Variants in GRAMD4 observed in about 807,000 individuals in gnomAD.
GRAMD4 encodes GRAM domain containing 4, also known as GRAM domain-containing protein 4.
Under a neutral mutation model 83.9 loss-of-function variants are expected in GRAMD4, and 25 were observed. The observed-to-expected ratio is 0.30, with a 90% confidence interval of 0.22 to 0.42. GRAMD4 has a LOEUF of 0.42. Ranked by LOEUF, GRAMD4 falls within the 10% of genes least tolerant of loss-of-function variation. GRAMD4 has a pLI of 1.00. For missense variants in GRAMD4, 593 were observed against 788.7 expected (o/e 0.75, Z 2.97); for synonymous variants, 336 against 320.9 (o/e 1.05, Z -0.50).
At chr22:46,680,556 G>A (rs149246372), downstream of GRAMD4, among the ~76,000 whole-genome samples, 83 of 64,786 alleles carry the variant, frequency 1.3e-3, 1 homozygote, top group Middle Eastern at 7.4e-3. Context: ...CCGTCCGTCC[G>A]TCCGTCCGTC....
chr22:46,639,711 G>A (rs569427816), intron 3 of GRAMD4, among the ~76,000 whole-genome samples: 2 of 152,258 alleles, frequency 1.3e-5, no homozygotes, highest in East Asian at 1.9e-4. Flanking sequence ...AGTATTAACC[G>A]TGTGTGTACA....
chr22:46,677,448 G>A lies in GRAMD4; in HGVS notation c.*197G>A, dbSNP rs2082616036. On this transcript the variant is annotated 3_prime_UTR_variant, in exon 19 of 19. Coordinates refer to ENST00000406902, the MANE Select transcript of GRAMD4 (RefSeq NM_015124.5). ...GGCCAGGGCTCACAGGGACGGGGGTGCCCCTCTCCCACAGGGCACGTCAGG... is the reference window on the plus strand; with the variant it reads ...GGCCAGGGCTCACAGGGACGGGGGTACCCCTCTCCCACAGGGCACGTCAGG... 1.5e-6 allele frequency: 2 copies of A among 1,347,874 alleles called. No homozygotes were observed. Among genetic ancestry groups the A allele is most frequent in the Non-Finnish European group, 1.9e-6 (2 of 1,048,862 alleles). The allele number at this position is 1,347,874 out of a possible 1,614,324, so 83.5% of individuals were successfully genotyped here. A position where few individuals can be genotyped will look rare whatever the true frequency, so the allele number is the denominator to read the frequency against.
rs575199541 is a variant in GRAMD4 at position 46,663,046 on chromosome 22, G to A, written c.473G>A (p.Arg158Gln). 2.3e-5 allele frequency: 37 copies of A among 1,608,112 alleles called. No individual in the cohort carries two copies. In the South Asian group the frequency reaches 2.5e-4, roughly 11 times the overall value. Residue 158 changes from arginine (R) to glutamine (Q), a missense_variant, in exon 6 of 19, where the codon CGG (arginine) becomes CAG (glutamine). Coordinates refer to ENST00000406902, the MANE Select transcript of GRAMD4 (RefSeq NM_015124.5). ...QAQASNGAER[R>Q]SQGLSSRLQK... ...GGGTCCCTGCCCCCTGCAGAGCGCC[G>A]GAGCCAGGGGCTGTCCTCGCGCCTG...
intron 1 of GRAMD4, among the ~76,000 whole-genome samples, chr22:46,597,257 G>A (rs2081270701): frequency 6.6e-6 from 1 of 152,156 alleles, no homozygotes; most frequent in Non-Finnish European, 1.5e-5. Context: ...ATACTGCTAA[G>A]CAAGGCTGTT....
intron 3 of GRAMD4, among the ~76,000 whole-genome samples, chr22:46,654,426 C>T (rs954495648): frequency 2.6e-5 from 4 of 152,192 alleles, no homozygotes; most frequent in Non-Finnish European, 5.9e-5. Flanking sequence ...GGTGTCCCGG[C>T]GCCTTGGCAG....
At chr22:46,624,035 G>A (rs1398790751) in intron 1 of GRAMD4, among the ~76,000 whole-genome samples, 1 of 152,016 alleles carries the variant, frequency 6.6e-6, no homozygotes, top group African/African-American at 2.4e-5. Context: ...ACTCACCTCG[G>A]CCTCACAAAA....
At chr22:46,634,865 C>G (rs1435215793) in intron 2 of GRAMD4, among the ~76,000 whole-genome samples, 1 of 151,902 alleles carries the variant, frequency 6.6e-6, no homozygotes, top group East Asian at 1.9e-4. Flanking sequence ...ATCGCTTGAA[C>G]CTGGGAGGTA....
At position 46,666,867 on chromosome 22, in the gene GRAMD4, G is replaced by A; in HGVS notation, c.852G>A (p.Glu284=). The A allele has an allele frequency of 6.3e-7, 1 of 1,597,624 alleles. No homozygotes were observed. The highest frequency in any genetic ancestry group is 1.3e-5 in the African/African-American group (1 of 74,318). ...GGAGCATCGTGCCCGAAGTGTCTGA[G>A]CCCGTGGTAAGTCCCTGGAGGGTGC... ...IQWSIVPEVS[E]PVEPPKEDLT... Residue 284 remains glutamate (E), a synonymous_variant, in exon 10 of 19, where the codon GAG becomes GAA. Coordinates refer to ENST00000406902, the MANE Select transcript of GRAMD4 (RefSeq NM_015124.5).
intron 1 of GRAMD4, among the ~76,000 whole-genome samples, chr22:46,602,766 T>TTG (rs1198722835): frequency 6.8e-6 from 1 of 147,130 alleles, no homozygotes; most frequent in Admixed American, 6.8e-5. Context: ...TTTTCTCTTT[T>TTG]TTTTTTTTTT....
chr22:46,637,488 C>T (rs1410797733), intron 2 of GRAMD4, among the ~76,000 whole-genome samples: 2 of 152,182 alleles, frequency 1.3e-5, no homozygotes, highest in Non-Finnish European at 2.9e-5. Flanking sequence ...ATCCACCTGC[C>T]TCGGCCTCCC....
rs1555960883 is a variant in GRAMD4, at chr22:46,624,349, T to TC, written c.-49-2401dup. ...CTTTTTTTTTTTTTTTTTTTTTTTT[T>TC]CTGAGACGGAGTCTCACTGCCCAGG... On this transcript the variant is annotated intron_variant, in intron 1 of 18. Coordinates refer to ENST00000406902, the MANE Select transcript of GRAMD4 (RefSeq NM_015124.5). Among the ~76,000 whole-genome samples the TC allele has an allele frequency of 6.2e-3, 802 of 130,166 alleles. 3 individuals carry two copies. The highest frequency in any genetic ancestry group is 9.8e-3 in the African/African-American group (310 of 31,614). 85.4% of individuals were successfully genotyped at this position (130,166 alleles called of 152,430 possible). A position where few individuals can be genotyped will look rare whatever the true frequency, so the allele number is the denominator to read the frequency against.
upstream of GRAMD4, among the ~76,000 whole-genome samples, chr22:46,575,764 C>G (rs2081038339): frequency 1.3e-5 from 2 of 152,210 alleles, no homozygotes; most frequent in South Asian, 2.1e-4. Flanking sequence ...ATGCTGCCTG[C>G]GGAGGCACAG....
chr22:46,664,693 C>G lies in GRAMD4; in HGVS notation c.717+576C>G, dbSNP rs145678637. Among the ~76,000 whole-genome samples, 145 of 152,338 alleles carry G rather than the reference C, an allele frequency of 9.5e-4. 1 individual carries two copies. The East Asian group carries it at 0.025, about 26-fold the overall frequency. Reference sequence around the variant, plus strand: ...GTACTTGGTCCTCGGGGGGAGCCCCCTCACCCAGGATGGAGACTGTGCCTC... The same window carrying G: ...GTACTTGGTCCTCGGGGGGAGCCCCGTCACCCAGGATGGAGACTGTGCCTC... On this transcript the variant is annotated intron_variant, in intron 8 of 18. Transcript: ENST00000406902.
chr22:46,582,984 G>C (rs1381288677), intron 1 of GRAMD4, among the ~76,000 whole-genome samples: 1 of 152,178 alleles, frequency 6.6e-6, no homozygotes, highest in Non-Finnish European at 1.5e-5. Flanking sequence ...GAGTGCAATG[G>C]TGCGATCTCA....
intron 1 of GRAMD4, among the ~76,000 whole-genome samples, chr22:46,586,321 G>A (rs1207642231): frequency 2.6e-5 from 4 of 151,726 alleles, no homozygotes; most frequent in African/African-American, 9.7e-5. Flanking sequence ...CCCCACTGGC[G>A]CCTCCCTGCT....
At chr22:46,644,688 T>C (rs543777325) in intron 3 of GRAMD4, among the ~76,000 whole-genome samples, 88 of 148,746 alleles carry the variant, frequency 5.9e-4, no homozygotes, top group African/African-American at 1.9e-3. Context: ...ACTTGTCCAC[T>C]TGTTCCCTGT....
In GRAMD4 at chr22:46,679,648, A is replaced by T; in HGVS notation, c.*2397A>T. The T allele has an allele frequency of 2.0e-6, 2 of 983,446 alleles. No individual in the cohort carries two copies. Among genetic ancestry groups the T allele is most frequent in the Non-Finnish European group, 2.4e-6 (2 of 827,904 alleles). 60.9% of individuals were successfully genotyped at this position (983,446 alleles called of 1,614,324 possible). ...TTGCCAGTGTGACTTTTGTTCAACAAAAGGATTGTACTGTATTAAGAACCG... is the reference window on the plus strand; with the variant it reads ...TTGCCAGTGTGACTTTTGTTCAACATAAGGATTGTACTGTATTAAGAACCG... On this transcript the variant is annotated 3_prime_UTR_variant, in exon 19 of 19. Transcript: ENST00000406902.
chr22:46,594,972 G>C (rs552283174), intron 1 of GRAMD4, among the ~76,000 whole-genome samples: 14 of 152,266 alleles, frequency 9.2e-5, no homozygotes, highest in Admixed American at 8.5e-4. Context: ...GACTGCACCA[G>C]GTTTGTTTCT....
At chr22:46,647,503 TG>T (rs111460928) in intron 3 of GRAMD4, among the ~76,000 whole-genome samples, 3,211 of 152,170 alleles carry the variant, frequency 0.021, 101 homozygotes, top group African/African-American at 0.072. Flanking sequence ...ATCCTGCCAG[TG>T]GGGGGCCTCC....
Sources: gnomAD v4.1 joint callset for allele counts (sites outside exome capture counted in the v4.1 genomes callset) on GRCh38, gnomAD v4.1.1 for gene constraint, MANE v1.5 for transcripts, NCBI Gene and HGNC (gene_info 2026-07-23, HGNC 2026-07-21) for gene names.